TECPR2: variants seen among roughly 807,000 people sequenced by gnomAD.
TECPR2 encodes the protein tectonin beta-propeller repeat containing 2, also known as tectonin beta-propeller repeat-containing protein 2.
A neutral mutation model predicts 138.1 loss-of-function variants in TECPR2; 65 were observed. The ratio of observed to expected loss-of-function variants is 0.47; its 90% confidence interval spans 0.39 to 0.58. TECPR2 has a LOEUF of 0.58. Among genes scored for constraint, TECPR2 ranks in the 20% least tolerant of loss-of-function variants. TECPR2 has a pLI of 0.00. For synonymous variants in TECPR2, 746 were observed against 749.8 expected, an observed-to-expected ratio of 0.99 and a Z score of 0.08; for missense variants, 1,553 against 1,824.5, an observed-to-expected ratio of 0.85 and a Z score of 2.71.
intron 17 of TECPR2, among the ~76,000 whole-genome samples, chr14:102,487,609 T>A (rs1394472364): frequency 6.6e-6 from 1 of 152,196 alleles, no homozygotes; most frequent in African/African-American, 2.4e-5. Flanking sequence ...TGGCGCAATC[T>A]GGGCTCACTG....
chr14:102,400,760 G>A (rs758632933), intron 2 of TECPR2, among the ~76,000 whole-genome samples: 6 of 152,210 alleles, frequency 3.9e-5, no homozygotes, highest in South Asian at 2.1e-4. Flanking sequence ...CAAGCCAGGC[G>A]CGGTGGCTCA....
intron 2 of TECPR2, among the ~76,000 whole-genome samples, chr14:102,399,655 C>A (rs1404158521): frequency 6.6e-6 from 1 of 151,828 alleles, no homozygotes; most frequent in Non-Finnish European, 1.5e-5. Flanking sequence ...ATGGTGAAAC[C>A]CCATCTCTAC....
intron 5 of TECPR2, among the ~76,000 whole-genome samples, chr14:102,421,708 C>T (rs888542206): frequency 6.6e-6 from 1 of 152,188 alleles, no homozygotes; most frequent in Non-Finnish European, 1.5e-5. Context: ...CTTAGTGTCA[C>T]AAGCATTGCT....
At chr14:102,403,341 G>A (rs1303649827) in intron 2 of TECPR2, among the ~76,000 whole-genome samples, 1 of 152,034 alleles carries the variant, frequency 6.6e-6, no homozygotes, top group East Asian at 1.9e-4. Context: ...ACCCTTTTAT[G>A]GTAAAAACAC....
intron 9 of TECPR2, among the ~76,000 whole-genome samples, chr14:102,436,083 T>C (rs889511352): frequency 2.0e-5 from 3 of 152,214 alleles, no homozygotes; most frequent in Non-Finnish European, 4.4e-5. Context: ...TTAACTCTTT[T>C]ACTTCTCTAA....
chr14:102,498,003 T>A, intron 19 of TECPR2, 100 bp from the exon 20 acceptor site: 1 of 835,674 alleles, frequency 1.2e-6, no homozygotes, highest in Non-Finnish European at 1.8e-6. Context: ...CCACCTAGAA[T>A]GTGGCAAGCC....
intron 8 of TECPR2, among the ~76,000 whole-genome samples, chr14:102,432,894 C>T (rs927953630): frequency 6.6e-6 from 1 of 151,456 alleles, no homozygotes; most frequent in Non-Finnish European, 1.5e-5. Flanking sequence ...ATCTCAGTCA[C>T]TCGGGAGGCT....
intron 17 of TECPR2, among the ~76,000 whole-genome samples, chr14:102,475,051 A>T (rs1041740642): frequency 6.6e-6 from 1 of 152,198 alleles, no homozygotes; most frequent in Non-Finnish European, 1.5e-5. Context: ...ATCCAGGGAC[A>T]CTCACAGGCT....
chr14:102,470,242 T>G (rs1003841471), intron 17 of TECPR2, among the ~76,000 whole-genome samples: 1 of 152,154 alleles, frequency 6.6e-6, no homozygotes, highest in African/African-American at 2.4e-5. Context: ...AGGCCTGAAC[T>G]TTTTTTGTGG....
chr14:102,438,142 G>A lies in TECPR2; in HGVS notation c.2515G>A (p.Gly839Ser), dbSNP rs1444346723. 1 of 1,613,802 alleles carries A rather than the reference G, an allele frequency of 6.2e-7. No homozygotes were observed. The highest frequency in any genetic ancestry group is 1.1e-5 in the South Asian group (1 of 91,086). ...KGGLFCSALP[G>S]AGLRWQKFED... ...CGGCCTGTTCTGCAGCGCGTTGCCG[G>A]GCGCCGGGCTGCGCTGGCAGAAGTT... Residue 839 changes from glycine (G) to serine (S), a missense_variant, in exon 10 of 20, where the codon GGC becomes AGC. Coordinates refer to ENST00000359520, the MANE Select transcript of TECPR2 (RefSeq NM_014844.5).
At chr14:102,399,232 A>C (rs1888403631) in intron 2 of TECPR2, among the ~76,000 whole-genome samples, 1 of 152,260 alleles carries the variant, frequency 6.6e-6, no homozygotes, top group South Asian at 2.1e-4. Flanking sequence ...ACTGCACTCC[A>C]GCCTGGATGA....
chr14:102,367,579 A>G (rs1887378076), intron 1 of TECPR2, among the ~76,000 whole-genome samples: 1 of 152,200 alleles, frequency 6.6e-6, no homozygotes, highest in Non-Finnish European at 1.5e-5. Flanking sequence ...AGCATGAATC[A>G]GTACTTCATT....
chr14:102,416,493 G>GAACT (rs1288345059), intron 5 of TECPR2, among the ~76,000 whole-genome samples: 10 of 152,190 alleles, frequency 6.6e-5, no homozygotes, highest in Non-Finnish European at 7.3e-5. Flanking sequence ...GGTCCCTGGA[G>GAACT]AACTCAGTGG....
rs1891387835 is a variant in TECPR2, at chr14:102,499,507, G to C, written c.*1250G>C. 2.2e-6 allele frequency: 1 copy of C among 456,718 alleles called. No individual in the cohort carries two copies. The highest frequency in any genetic ancestry group is 4.0e-6 in the Non-Finnish European group (1 of 251,388). 28.3% of individuals were successfully genotyped at this position (456,718 alleles called of 1,614,324 possible). A position where few individuals can be genotyped will look rare whatever the true frequency, so the allele number is the denominator to read the frequency against. The stretch of plus-strand genomic sequence containing the variant: ...CATCCCCGCACAGACTTGACTGGCA[G>C]GGCGGTCACGGGACCTGCGGGCTGG... On this transcript the variant is annotated 3_prime_UTR_variant, in exon 20 of 20. Transcript: ENST00000359520.
chr14:102,370,102 G>T (rs187166757), intron 1 of TECPR2, among the ~76,000 whole-genome samples: 5 of 151,190 alleles, frequency 3.3e-5, no homozygotes, highest in African/African-American at 1.2e-4. Context: ...ACAGAGTTTC[G>T]CTCTTGTTGC....
intron 16 of TECPR2, among the ~76,000 whole-genome samples, chr14:102,460,987 G>A (rs571343308): frequency 7.8e-4 from 118 of 151,950 alleles, no homozygotes; most frequent in Non-Finnish European, 1.3e-3. Context: ...GAGCCACTGC[G>A]CCCAGCCTCA....
intron 3 of TECPR2, 95 bp downstream of exon 3, chr14:102,407,561 C>T: frequency 1.4e-6 from 2 of 1,456,612 alleles, no homozygotes; most frequent in Non-Finnish European, 9.1e-7. Context: ...AAAGTTTATG[C>T]TCAGAGAAAG....
chr14:102,363,972 T>A (rs913791335), intron 1 of TECPR2, among the ~76,000 whole-genome samples: 5 of 152,226 alleles, frequency 3.3e-5, no homozygotes, highest in Admixed American at 3.3e-4. Context: ...CTTCTCTACC[T>A]CCATTTCTCT....
At chr14:102,445,543 G>GT (rs2139746064) in intron 12 of TECPR2, among the ~76,000 whole-genome samples, 1 of 152,236 alleles carries the variant, frequency 6.6e-6, no homozygotes, top group African/African-American at 2.4e-5. Flanking sequence ...TTTTTCTTAG[G>GT]TTATTTTCTC....
Sources: allele counts gnomAD v4.1 joint callset (sites outside exome capture counted in the v4.1 genomes callset), GRCh38; gene constraint gnomAD v4.1.1; transcripts MANE v1.5; gene names NCBI Gene and HGNC (gene_info 2026-07-23, HGNC 2026-07-21).